Variants in TMBIM4 observed in about 807,000 individuals in gnomAD.
The protein encoded by TMBIM4 is protein lifeguard 4.
A neutral mutation model predicts 27.7 loss-of-function variants in TMBIM4; 28 were observed. That is an observed-to-expected ratio of 1.01 (90% CI 0.75 to 1.38). The LOEUF (loss-of-function observed/expected upper bound fraction) is 1.38, where lower values mean the gene tolerates loss of function less well. Ranked by LOEUF, TMBIM4 falls within the 40% of genes most tolerant of loss-of-function variation. The probability of loss-of-function intolerance (pLI) is 0.00; values close to 1 mark genes in which losing one functional copy is unlikely to be tolerated. For missense variants in TMBIM4, 265 were observed against 277.5 expected, an observed-to-expected ratio of 0.95 and a Z score of 0.32; for synonymous variants, 115 against 113.1, an observed-to-expected ratio of 1.02 and a Z score of -0.11.
At chr12:66,147,859 T>C (rs750649754) in intron 4 of TMBIM4, 49 bp downstream of exon 4, 1 of 1,513,458 alleles carries the variant, frequency 6.6e-7, no homozygotes, top group Admixed American at 1.8e-5. Flanking sequence ...GAAAGATCTA[T>C]CTACATTAAA....
At chr12:66,166,942 T>C (rs1230220536) in intron 1 of TMBIM4, among the ~76,000 whole-genome samples, 1 of 152,192 alleles carries the variant, frequency 6.6e-6, no homozygotes, top group Non-Finnish European at 1.5e-5. Context: ...AACAATGGAA[T>C]AGTATTCAGC....
At chr12:66,140,212 T>C (rs991724741) in intron 5 of TMBIM4, among the ~76,000 whole-genome samples, 10 of 151,956 alleles carry the variant, frequency 6.6e-5, no homozygotes, top group Non-Finnish European at 1.0e-4. Flanking sequence ...ATAGAATGCA[T>C]AGACAATGAC....
chr12:66,142,241 C>T (rs2051680147), intron 5 of TMBIM4, among the ~76,000 whole-genome samples: 1 of 151,604 alleles, frequency 6.6e-6, no homozygotes, highest in Non-Finnish European at 1.5e-5. Context: ...TCTGGCATAC[C>T]TAAGTGAGAA....
At chr12:66,138,260 A>G in intron 6 of TMBIM4, 94 bp from the exon 7 acceptor site, 2 of 1,487,894 alleles carry the variant, frequency 1.3e-6, no homozygotes, top group Non-Finnish European at 1.8e-6. Flanking sequence ...GCTACATTAT[A>G]CATTTGACAA....
rs1173164098 is a variant in TMBIM4, at chr12:66,136,698, CT to C, written c.*1261del. The C allele has an allele frequency of 1.3e-5, 2 of 152,200 alleles. No individual in the cohort carries two copies. Among genetic ancestry groups the C allele is most frequent in the African/African-American group, 4.8e-5 (2 of 41,432 alleles). The allele number at this position is 152,200 out of a possible 1,614,324, so 9.4% of individuals were successfully genotyped here. On this transcript the variant is annotated 3_prime_UTR_variant, in exon 7 of 7. Coordinates refer to ENST00000358230, the MANE Select transcript of TMBIM4 (RefSeq NM_016056.4). ...AAAGACACAGGGAGAAGATGGCCAT[CT>C]ACAAATCAAAGAGAAAGGCCTCAAA...
chr12:66,165,893 T>C (rs538387415), intron 1 of TMBIM4, among the ~76,000 whole-genome samples: 1 of 152,316 alleles, frequency 6.6e-6, no homozygotes, highest in African/African-American at 2.4e-5. Context: ...CTCTGTTGAA[T>C]GTGTTCTTTG....
At chr12:66,166,310 A>G (rs1455197976) in intron 1 of TMBIM4, among the ~76,000 whole-genome samples, 4 of 151,938 alleles carry the variant, frequency 2.6e-5, no homozygotes, top group Non-Finnish European at 5.9e-5. Flanking sequence ...CTAAAAATAT[A>G]AAAAATTAGC....
At chr12:66,139,637 C>G in intron 5 of TMBIM4, 1 of 456,036 alleles carries the variant, frequency 2.2e-6, no homozygotes, top group Non-Finnish European at 4.4e-6. Flanking sequence ...GCCAAGGTAG[C>G]TAGAATTTGC....
intron 5 of TMBIM4, among the ~76,000 whole-genome samples, chr12:66,142,786 TC>T (rs1479797507): frequency 6.6e-6 from 1 of 151,684 alleles, no homozygotes; most frequent in Non-Finnish European, 1.5e-5. Context: ...CCATGAAAAA[TC>T]CTCTCCAATT....
chr12:66,151,575 A>G (rs937857762), intron 3 of TMBIM4, among the ~76,000 whole-genome samples: 2 of 152,220 alleles, frequency 1.3e-5, no homozygotes, highest in Non-Finnish European at 2.9e-5. Flanking sequence ...GTTCTGAAGT[A>G]AATTTTTAGG....
intron 3 of TMBIM4, among the ~76,000 whole-genome samples, chr12:66,150,159 A>G (rs2051821140): frequency 6.6e-6 from 1 of 152,156 alleles, no homozygotes; most frequent in Admixed American, 6.5e-5. Flanking sequence ...CTCTTCCCAC[A>G]CAGAAATCAG....
In TMBIM4 at chr12:66,137,669, C is replaced by T; in HGVS notation, c.*291G>A. ...TCGGTCTCCCAAAGTGGTGGGATTACAGGCGTGAGCCACTGTGCCCAGCCA... is the reference window on the plus strand; with the variant it reads ...TCGGTCTCCCAAAGTGGTGGGATTATAGGCGTGAGCCACTGTGCCCAGCCA... On this transcript the variant is annotated 3_prime_UTR_variant, in exon 7 of 7. Coordinates refer to ENST00000358230, the MANE Select transcript of TMBIM4 (RefSeq NM_016056.4). 3.2e-6 allele frequency: 1 copy of T among 313,080 alleles called. No individual in the cohort carries two copies. Among genetic ancestry groups the T allele is most frequent in the Non-Finnish European group, 6.1e-6 (1 of 163,832 alleles). The allele number at this position is 313,080 out of a possible 1,614,324, so 19.4% of individuals were successfully genotyped here. A position where few individuals can be genotyped will look rare whatever the true frequency, so the allele number is the denominator to read the frequency against.
chr12:66,143,463 A>T (rs1405629661), intron 5 of TMBIM4, among the ~76,000 whole-genome samples: 1 of 152,128 alleles, frequency 6.6e-6, no homozygotes, highest in African/African-American at 2.4e-5. Context: ...GTGTACATAC[A>T]TCCTTCATGG....
At chr12:66,143,877 G>A (rs1298327934) in intron 5 of TMBIM4, among the ~76,000 whole-genome samples, 2 of 152,132 alleles carry the variant, frequency 1.3e-5, no homozygotes, top group Non-Finnish European at 2.9e-5. Context: ...ACAGTAAGTA[G>A]TGCCATTAAG....
At chr12:66,150,848 A>G (rs2051834105) in intron 3 of TMBIM4, among the ~76,000 whole-genome samples, 1 of 152,222 alleles carries the variant, frequency 6.6e-6, no homozygotes, top group East Asian at 1.9e-4. Flanking sequence ...ACAATGTATA[A>G]GGACAACTGA....
At chr12:66,144,994 C>T (rs970506336) in intron 5 of TMBIM4, among the ~76,000 whole-genome samples, 4 of 152,074 alleles carry the variant, frequency 2.6e-5, no homozygotes, top group South Asian at 2.1e-4. Flanking sequence ...GGAAGTAGAA[C>T]AAAACTTTCA....
intron 5 of TMBIM4, among the ~76,000 whole-genome samples, chr12:66,142,660 G>A (rs2051687440): frequency 6.6e-6 from 1 of 151,432 alleles, no homozygotes; most frequent in Admixed American, 6.6e-5. Flanking sequence ...GCTCTAGCGA[G>A]CACTATTTCT....
At chr12:66,140,343 T>C (rs1468131881) in intron 5 of TMBIM4, among the ~76,000 whole-genome samples, 8 of 151,996 alleles carry the variant, frequency 5.3e-5, no homozygotes, top group Non-Finnish European at 1.2e-4. Flanking sequence ...TGATTAAAAA[T>C]ACAATATATG....
At chr12:66,142,263 G>C (rs553446282) in intron 5 of TMBIM4, among the ~76,000 whole-genome samples, 10 of 151,796 alleles carry the variant, frequency 6.6e-5, no homozygotes, top group African/African-American at 2.4e-4. Context: ...GAGGTATCAT[G>C]CTACCTCACA....
Sources: gnomAD v4.1 joint callset for allele counts (sites outside exome capture counted in the v4.1 genomes callset) on GRCh38, gnomAD v4.1.1 for gene constraint, MANE v1.5 for transcripts, NCBI Gene and HGNC (gene_info 2026-07-23, HGNC 2026-07-21) for gene names.